Variants in ZNF529 observed in about 807,000 individuals in gnomAD.
ZNF529 encodes the protein zinc finger protein 529.
In ZNF529, 11 loss-of-function variants were observed where a neutral mutation model predicts 10.1. The observed-to-expected ratio is 1.09, with a 90% CI of 0.69 to 1.81. The LOEUF is 1.81. Among genes scored for constraint, ZNF529 ranks in the 40% most tolerant of loss-of-function variants. The pLI is 0.00. For missense variants in ZNF529, 624 were observed against 666.8 expected (o/e 0.94, Z 0.71); for synonymous variants, 204 against 215.7 (o/e 0.95, Z 0.47).
At chr19:36,551,204 A>G (rs1353517338) in intron 4 of ZNF529, among the ~76,000 whole-genome samples, 5 of 152,212 alleles carry the variant, frequency 3.3e-5, no homozygotes, top group Admixed American at 2.0e-4. Context: ...AAATGAGGGG[A>G]AAAAAGTTTA....
intron 4 of ZNF529, among the ~76,000 whole-genome samples, chr19:36,550,178 GACA>G (rs2035205997): frequency 6.6e-6 from 1 of 152,160 alleles, no homozygotes; most frequent in Non-Finnish European, 1.5e-5. Context: ...AATATCTGAC[GACA>G]ACATTAAAAC....
chr19:36,602,950 A>AC (rs1555792177), intron 1 of ZNF529, among the ~76,000 whole-genome samples: 2 of 150,808 alleles, frequency 1.3e-5, no homozygotes, highest in Admixed American at 6.6e-5. Context: ...AAAAAAAAAA[A>AC]CACGTGATGC....
chr19:36,557,107 G>A (rs1412286547), intron 2 of ZNF529, among the ~76,000 whole-genome samples: 4 of 152,102 alleles, frequency 2.6e-5, no homozygotes, highest in Non-Finnish European at 5.9e-5. Flanking sequence ...ATACTCCAGG[G>A]CACTTATGAA....
chr19:36,595,834 A>G (rs1229711830), intron 1 of ZNF529, among the ~76,000 whole-genome samples: 1 of 152,150 alleles, frequency 6.6e-6, no homozygotes, highest in Admixed American at 6.6e-5. Flanking sequence ...ATATATCTAC[A>G]TTATACATAT....
chr19:36,565,752 C>A (rs550253220), intron 2 of ZNF529, among the ~76,000 whole-genome samples: 25 of 152,166 alleles, frequency 1.6e-4, no homozygotes, highest in Non-Finnish European at 2.8e-4. Flanking sequence ...TAGGCAAATA[C>A]AAAAGTCTAT....
intron 4 of ZNF529, among the ~76,000 whole-genome samples, chr19:36,553,689 T>C (rs1367129684): frequency 6.6e-6 from 1 of 152,190 alleles, no homozygotes; most frequent in African/African-American, 2.4e-5. Flanking sequence ...ACACACAGTA[T>C]GTTAAAAGTT....
intron 3 of ZNF529, 58 bp downstream of exon 3, chr19:36,556,046 T>C: frequency 2.0e-6 from 3 of 1,529,846 alleles, no homozygotes; most frequent in Non-Finnish European, 2.7e-6. Context: ...CAGAGGTGTT[T>C]GGTAGGAAGA....
At chr19:36,560,001 G>A (rs1377750751) in intron 2 of ZNF529, among the ~76,000 whole-genome samples, 1 of 152,150 alleles carries the variant, frequency 6.6e-6, no homozygotes, top group African/African-American at 2.4e-5. Context: ...GTTCACACCT[G>A]TAATTCCAGC....
intron 2 of ZNF529, among the ~76,000 whole-genome samples, chr19:36,561,590 C>G (rs1041226261): frequency 3.3e-5 from 5 of 152,142 alleles, no homozygotes; most frequent in Admixed American, 2.6e-4. Flanking sequence ...AGAGCCACTG[C>G]AGACAGTCCC....
upstream of ZNF529, among the ~76,000 whole-genome samples, chr19:36,576,370 A>G (rs1409833384): frequency 6.6e-6 from 1 of 152,088 alleles, no homozygotes; most frequent in African/African-American, 2.4e-5. Flanking sequence ...TAGTCAGATA[A>G]CGATGTTGCC....
intron 2 of ZNF529, among the ~76,000 whole-genome samples, chr19:36,563,571 G>A (rs1263598410): frequency 1.3e-5 from 2 of 152,042 alleles, no homozygotes; most frequent in African/African-American, 4.8e-5. Flanking sequence ...ACATACCTAA[G>A]AATACAGCTA....
At chr19:36,568,474 C>CT (rs565480524) in intron 2 of ZNF529, among the ~76,000 whole-genome samples, 17,701 of 131,116 alleles carry the variant, frequency 0.14, 1,166 homozygotes, top group Admixed American at 0.17. Flanking sequence ...GATTTTCTTT[C>CT]TTTTTTTTTT....
At chr19:36,571,638 G>A (rs1412053579) in intron 2 of ZNF529, among the ~76,000 whole-genome samples, 4 of 149,736 alleles carry the variant, frequency 2.7e-5, no homozygotes, top group African/African-American at 9.9e-5. Flanking sequence ...TCGCACCATT[G>A]CGCTCCAGCC....
chr19:36,583,591 G>A lies in ZNF529; in HGVS notation c.-41+6024C>T, dbSNP rs578196640. On this transcript the variant is annotated intron_variant, in intron 2 of 4. Coordinates refer to the ZNF529 transcript ENST00000585960. ...AACGAGGAAATAACCATCACAGGAG[G>A]GTCAGCAGAGTAAATAAATAATAAA... Among the ~76,000 whole-genome samples, 4 of 148,862 alleles carry A rather than the reference G, an allele frequency of 2.7e-5. No homozygotes were observed. The South Asian group carries it at 8.5e-4, about 32-fold the overall frequency.
At chr19:36,551,540 T>C (rs2035257885) in intron 4 of ZNF529, among the ~76,000 whole-genome samples, 1 of 152,144 alleles carries the variant, frequency 6.6e-6, no homozygotes, top group East Asian at 1.9e-4. Flanking sequence ...AGTGCACCAT[T>C]TGAGGTGGCT....
At chr19:36,603,755 C>T (rs2036967800) in intron 1 of ZNF529, among the ~76,000 whole-genome samples, 1 of 152,162 alleles carries the variant, frequency 6.6e-6, no homozygotes, top group Non-Finnish European at 1.5e-5. Context: ...TGACTCTTCC[C>T]TTCATAAAGA....
chr19:36,546,901 G>C lies in ZNF529; in HGVS notation c.1657C>G (p.Pro553Ala). The part of the protein sequence containing the change: ...FSVVGHLTCQ[P>A]KIYTGEKSFD ...GATTTCTCACCAGTGTAAATTTTCG[G>C]TTGGCAAGTAAGATGCCCAACAACA... Residue 553 changes from proline to alanine, a missense_variant, in exon 5 of 5, where the codon CCG (proline) becomes GCG (alanine). Pro to Ala is a conservative substitution (Grantham distance 27). Transcript: ENST00000591340. The C allele has an allele frequency of 1.2e-6, 2 of 1,610,482 alleles. No homozygotes were observed. The highest frequency in any genetic ancestry group is 1.7e-6 in the Non-Finnish European group (2 of 1,178,230).
In ZNF529 at chr19:36,552,252, T is replaced by A. The variant is rs368998047; in HGVS notation, c.235+2418A>T. Among the ~76,000 whole-genome samples the A allele has an allele frequency of 2.0e-4, 31 of 152,056 alleles. 1 individual carries two copies. In the South Asian group the frequency reaches 3.7e-3, roughly 18 times the overall value. ...GAGACTATCCTGGCTAACACGGTGA[T>A]ACCCCATCTCTACTAAAAATACAAA... On this transcript the variant is annotated intron_variant, in intron 4 of 4. Transcript: ENST00000591340.
chr19:36,559,175 C>G (rs914969959), intron 2 of ZNF529, among the ~76,000 whole-genome samples: 1 of 152,304 alleles, frequency 6.6e-6, no homozygotes, highest in South Asian at 2.1e-4. Context: ...GCCTTGTACA[C>G]TGTCAGGGAT....
Sources: allele counts gnomAD v4.1 joint callset (sites outside exome capture counted in the v4.1 genomes callset), GRCh38; gene constraint gnomAD v4.1.1; transcripts MANE v1.5; gene names NCBI Gene and HGNC (gene_info 2026-07-23, HGNC 2026-07-21).